The following WWOX variants were observed in gnomAD, a reference collection of about 807,000 sequenced individuals.
The protein encoded by WWOX is WW domain containing oxidoreductase.
Under a neutral mutation model 46.2 loss-of-function variants are expected in WWOX, and 69 were observed. The ratio of observed to expected loss-of-function variants is 1.49; its 90% CI spans 1.23 to 1.82. The LOEUF (loss-of-function observed/expected upper bound fraction) is 1.82. Ranked by LOEUF, WWOX falls within the 40% of genes most tolerant of loss-of-function variation. The pLI, the probability that WWOX is intolerant of heterozygous loss-of-function variation, is 0.00. For synonymous variants in WWOX, 359 were observed against 202.6 expected (o/e 1.77, Z -6.56); for missense variants, 919 against 542.6 (o/e 1.69, Z -6.89).
At chr16:78,909,201 G>A (rs1244792716) in intron 8 of WWOX, among the ~76,000 whole-genome samples, 1 of 152,110 alleles carries the variant, frequency 6.6e-6, no homozygotes, top group Non-Finnish European at 1.5e-5. Context: ...TTTTTGCAAA[G>A]GCTGTTTTAA....
intron 8 of WWOX, chr16:78,551,536 A>G (rs1262352326): frequency 6.6e-6 from 1 of 152,176 alleles, no homozygotes; most frequent in African/African-American, 2.4e-5. Context: ...GGTTCAAAGG[A>G]AAGGAATAGC....
At chr16:78,848,669 C>G (rs947173117) in intron 8 of WWOX, among the ~76,000 whole-genome samples, 3 of 152,188 alleles carry the variant, frequency 2.0e-5, no homozygotes, top group African/African-American at 7.2e-5. Context: ...TAGGGCTGAC[C>G]CTGAAGCAGA....
intron 8 of WWOX, among the ~76,000 whole-genome samples, chr16:78,991,941 C>G (rs923380205): frequency 7.9e-5 from 12 of 152,172 alleles, no homozygotes; most frequent in Non-Finnish European, 1.6e-4. Flanking sequence ...CAAAATAATT[C>G]TCAACACATA....
chr16:78,897,114 G>C (rs1256935515), intron 8 of WWOX: 1 of 150,608 alleles, frequency 6.6e-6, no homozygotes, highest in Admixed American at 6.6e-5. Flanking sequence ...GCTGGCCATT[G>C]TGACATATGC....
rs1390522349 is a variant in WWOX, at chr16:78,756,475, T to A, written c.1056+323723T>A. Among the ~76,000 whole-genome samples, 5 of 152,128 alleles carry A rather than the reference T, an allele frequency of 3.3e-5. No individual in the cohort carries two copies. The East Asian group carries it at 7.7e-4, about 24-fold the overall frequency. ...AGAAAAAGATTGATTAGGCAATAGT[T>A]TACCTTAGACCATGAGGAGATGGAC... On this transcript the variant is annotated intron_variant, in intron 8 of 8. Transcript: ENST00000566780.
chr16:78,204,671 T>A (rs1442681080), intron 5 of WWOX, among the ~76,000 whole-genome samples: 1 of 152,198 alleles, frequency 6.6e-6, no homozygotes, highest in African/African-American at 2.4e-5. Flanking sequence ...AGTAGGTGCA[T>A]TCTGTTGCCA....
At chr16:79,167,646 C>T (rs370003478) in intron 8 of WWOX, among the ~76,000 whole-genome samples, 1 of 152,198 alleles carries the variant, frequency 6.6e-6, no homozygotes, top group Non-Finnish European at 1.5e-5. Flanking sequence ...TTATCCAAGT[C>T]AAATAAGACA....
intron 8 of WWOX, among the ~76,000 whole-genome samples, chr16:79,070,478 T>G (rs16949485): frequency 0.04 from 6,136 of 152,232 alleles, 162 homozygotes; most frequent in South Asian, 0.11. Flanking sequence ...TCACCACCGA[T>G]GGAAAATTCT....
At chr16:78,918,950 A>G (rs1216554271) in intron 8 of WWOX, among the ~76,000 whole-genome samples, 5 of 152,104 alleles carry the variant, frequency 3.3e-5, no homozygotes, top group African/African-American at 9.7e-5. Flanking sequence ...TAAGAAGAGT[A>G]CCTTTCTGAT....
intron 8 of WWOX, among the ~76,000 whole-genome samples, chr16:78,979,701 G>A (rs1347335487): frequency 6.6e-6 from 1 of 152,146 alleles, no homozygotes; most frequent in Non-Finnish European, 1.5e-5. Context: ...AGCCGTCCAT[G>A]CTTGAGGCAT....
intron 8 of WWOX, among the ~76,000 whole-genome samples, chr16:79,210,572 C>T (rs932880231): frequency 1.3e-5 from 2 of 152,134 alleles, no homozygotes; most frequent in Non-Finnish European, 2.9e-5. Flanking sequence ...AACCCCTCTC[C>T]CTCTCATCAG....
At chr16:78,484,251 T>C (rs569208207) in intron 8 of WWOX, among the ~76,000 whole-genome samples, 2 of 152,294 alleles carry the variant, frequency 1.3e-5, no homozygotes, top group South Asian at 4.1e-4. Flanking sequence ...CTTTAGGCCT[T>C]GGCATATATT....
chr16:79,195,393 G>A (rs1330582408), intron 8 of WWOX, among the ~76,000 whole-genome samples: 3 of 152,196 alleles, frequency 2.0e-5, no homozygotes, highest in African/African-American at 7.2e-5. Context: ...AGGTCAGGAA[G>A]TCATTGATGT....
chr16:78,444,622 C>T (rs888165302), intron 8 of WWOX, among the ~76,000 whole-genome samples: 1 of 151,520 alleles, frequency 6.6e-6, no homozygotes, highest in Non-Finnish European at 1.5e-5. Flanking sequence ...CCTCTGCCTC[C>T]CGGGTTCAAG....
chr16:78,973,757 G>C (rs1195026589), intron 8 of WWOX, among the ~76,000 whole-genome samples: 2 of 152,146 alleles, frequency 1.3e-5, no homozygotes, highest in Non-Finnish European at 2.9e-5. Flanking sequence ...AAGTATTTCT[G>C]GGTATTTTTA....
At chr16:78,958,137 G>C (rs757470582) in intron 8 of WWOX, among the ~76,000 whole-genome samples, 1 of 152,076 alleles carries the variant, frequency 6.6e-6, no homozygotes, top group Non-Finnish European at 1.5e-5. Context: ...TCCTTAACTT[G>C]CTCATCATTC....
intron 8 of WWOX, among the ~76,000 whole-genome samples, chr16:79,049,296 T>G (rs994336940): frequency 6.6e-6 from 1 of 152,218 alleles, no homozygotes; most frequent in Non-Finnish European, 1.5e-5. Context: ...GTCAAGGAAG[T>G]AAGCATAATA....
chr16:78,179,903 G>C (rs2035474751), intron 5 of WWOX: 2 of 152,234 alleles, frequency 1.3e-5, no homozygotes, highest in African/African-American at 4.8e-5. Flanking sequence ...CTGAGTGAGT[G>C]AGAGGGTAAA....
chr16:78,989,390 A>ATTCTGCAGGCCCTAAGATTCTGCAG (rs1481714528), intron 8 of WWOX, among the ~76,000 whole-genome samples: 4 of 152,100 alleles, frequency 2.6e-5, no homozygotes, highest in Non-Finnish European at 4.4e-5. Flanking sequence ...GCCCTGATGC[A>ATTCTGCAGGCCCTAAGATTCTGCAG]GTCAAACCAC....
Sources: gnomAD v4.1 joint callset for allele counts (sites outside exome capture counted in the v4.1 genomes callset) on GRCh38, gnomAD v4.1.1 for gene constraint, MANE v1.5 for transcripts, NCBI Gene and HGNC (gene_info 2026-07-23, HGNC 2026-07-21) for gene names.